Variants in DENND1A observed in about 807,000 individuals in gnomAD.
DENND1A encodes the protein DENN domain containing 1A, also known as DENN domain-containing protein 1A.
In DENND1A, 51 loss-of-function variants were observed where a neutral mutation model predicts 113.7. That is an observed-to-expected ratio of 0.45 (90% confidence interval 0.36 to 0.57). The LOEUF is 0.57. Among genes scored for constraint, DENND1A ranks in the 20% least tolerant of loss-of-function variants. The pLI is 0.00. For missense variants in DENND1A, 1,258 were observed against 1,395.9 expected (o/e 0.90, Z 1.57); for synonymous variants, 565 against 570.8 (o/e 0.99, Z 0.14).
chr9:123,754,420 A>G (rs539097101), intron 5 of DENND1A, among the ~76,000 whole-genome samples: 40 of 152,334 alleles, frequency 2.6e-4, no homozygotes, highest in African/African-American at 9.4e-4. Context: ...TGGAAAAGAT[A>G]GCTTCTCTAC....
chr9:123,750,519 A>G (rs2069923271), intron 5 of DENND1A, among the ~76,000 whole-genome samples: 1 of 152,220 alleles, frequency 6.6e-6, no homozygotes, highest in South Asian at 2.1e-4. Flanking sequence ...TCAGCTTCTG[A>G]CAGATGCCAT....
chr9:123,895,356 C>T (rs781303903), intron 1 of DENND1A, among the ~76,000 whole-genome samples: 1 of 152,008 alleles, frequency 6.6e-6, no homozygotes, highest in Non-Finnish European at 1.5e-5. Flanking sequence ...TATGGTGGTT[C>T]ACACCTGTAA....
At chr9:123,873,506 C>T (rs1317825380) in intron 2 of DENND1A, among the ~76,000 whole-genome samples, 3 of 152,216 alleles carry the variant, frequency 2.0e-5, no homozygotes, top group African/African-American at 7.2e-5. Flanking sequence ...TATCACCTCA[C>T]ATCTTTTTAT....
intron 19 of DENND1A, chr9:123,414,334 C>T (rs2131598851): frequency 1.4e-6 from 2 of 1,412,196 alleles, no homozygotes; most frequent in East Asian, 2.6e-5. Context: ...CAGCAGGTTT[C>T]CCTGCCTCCA....
intron 19 of DENND1A, chr9:123,413,755 T>A (rs2044495671): frequency 1.0e-6 from 1 of 985,362 alleles, no homozygotes; most frequent in African/African-American, 1.7e-5. Flanking sequence ...GGGTGCTGCC[T>A]AGGGATGGGC....
chr9:123,617,533 C>T (rs1298253942), intron 10 of DENND1A, among the ~76,000 whole-genome samples: 1 of 152,144 alleles, frequency 6.6e-6, no homozygotes, highest in Admixed American at 6.5e-5. Flanking sequence ...CCACTGGACC[C>T]AACAGAAATG....
At chr9:123,720,762 C>A (rs1051114713) in intron 5 of DENND1A, among the ~76,000 whole-genome samples, 3 of 152,240 alleles carry the variant, frequency 2.0e-5, no homozygotes, top group African/African-American at 7.2e-5. Flanking sequence ...TGACTTCCTG[C>A]TGCCATCCAG....
chr9:123,540,531 G>A (rs1298937449), intron 13 of DENND1A, among the ~76,000 whole-genome samples: 1 of 152,164 alleles, frequency 6.6e-6, no homozygotes, highest in Non-Finnish European at 1.5e-5. Flanking sequence ...CCACTCCCTG[G>A]AGCATCACTT....
At chr9:123,620,232 A>AAG (rs1554916732) in intron 10 of DENND1A, among the ~76,000 whole-genome samples, 80 of 114,422 alleles carry the variant, frequency 7.0e-4, no homozygotes, top group East Asian at 2.4e-3. Flanking sequence ...AAAAAAAAAA[A>AAG]AAAAAAGAAA....
intron 5 of DENND1A, among the ~76,000 whole-genome samples, chr9:123,746,394 A>G (rs925915714): frequency 2.0e-5 from 3 of 152,230 alleles, no homozygotes; most frequent in African/African-American, 7.2e-5. Context: ...AAAGATTGAA[A>G]AAAAATCAAA....
At chr9:123,758,002 C>A (rs941572152) in intron 4 of DENND1A, among the ~76,000 whole-genome samples, 180 bp from the exon 5 acceptor site, 1 of 150,090 alleles carries the variant, frequency 6.7e-6, no homozygotes, top group Non-Finnish European at 1.5e-5. Context: ...AAAAAGACAG[C>A]CAGCAGCCTA....
intron 3 of DENND1A, among the ~76,000 whole-genome samples, chr9:123,780,939 T>C (rs1161394498): frequency 6.6e-6 from 1 of 152,126 alleles, no homozygotes; most frequent in Non-Finnish European, 1.5e-5. Flanking sequence ...TATCCTCCTA[T>C]CGATGGAATG....
At chr9:123,924,399 T>C (rs936188740) in intron 1 of DENND1A, among the ~76,000 whole-genome samples, 1 of 152,208 alleles carries the variant, frequency 6.6e-6, no homozygotes, top group Non-Finnish European at 1.5e-5. Context: ...CTGGGCACAG[T>C]GGCTCATGCC....
intron 15 of DENND1A, among the ~76,000 whole-genome samples, chr9:123,455,555 G>C (rs2048053350): frequency 6.6e-6 from 1 of 152,172 alleles, no homozygotes; most frequent in East Asian, 1.9e-4. Flanking sequence ...TCCTTCCTCT[G>C]AACAGCCCTC....
At chr9:123,640,016 G>C (rs956934078) in intron 9 of DENND1A, among the ~76,000 whole-genome samples, 5 of 152,170 alleles carry the variant, frequency 3.3e-5, no homozygotes, top group African/African-American at 1.2e-4. Context: ...ACTAGGATAT[G>C]AACCTAGGGA....
intron 11 of DENND1A, among the ~76,000 whole-genome samples, chr9:123,589,460 G>A (rs2059350954): frequency 6.6e-6 from 1 of 151,242 alleles, no homozygotes; most frequent in Non-Finnish European, 1.5e-5. Flanking sequence ...ATGAGCAGAT[G>A]TCAAAATAGT....
chr9:123,477,719 T>G (rs2050026090), intron 13 of DENND1A, among the ~76,000 whole-genome samples: 1 of 151,760 alleles, frequency 6.6e-6, no homozygotes, highest in East Asian at 1.9e-4. Flanking sequence ...AAACACATCC[T>G]GTACATGTAC....
intron 9 of DENND1A, among the ~76,000 whole-genome samples, chr9:123,649,726 C>T (rs971528162): frequency 2.0e-5 from 3 of 152,144 alleles, no homozygotes; most frequent in Non-Finnish European, 4.4e-5. Flanking sequence ...TATTTTCTTA[C>T]TATTTTAAAA....
chr9:123,560,552 T>C (rs1281074576), intron 12 of DENND1A, among the ~76,000 whole-genome samples: 1 of 151,982 alleles, frequency 6.6e-6, no homozygotes, highest in African/African-American at 2.4e-5. Context: ...TAGCCAGCCA[T>C]GGTGGCACCT....
Sources: allele counts gnomAD v4.1 joint callset (sites outside exome capture counted in the v4.1 genomes callset), GRCh38; gene constraint gnomAD v4.1.1; transcripts MANE v1.5; gene names NCBI Gene and HGNC (gene_info 2026-07-23, HGNC 2026-07-21).